The following KCNQ1OT1 variants were observed in gnomAD, a reference collection of about 807,000 sequenced individuals.
KCNQ1OT1 encodes the protein KCNQ1 antisense RNA 2 (non-protein coding).
In KCNQ1OT1 at chr11:2,624,965, C is replaced by T. The variant is rs967925758; in HGVS notation, n.75030G>A. The T allele has an allele frequency of 2.5e-6, 1 of 398,478 alleles. No homozygotes were observed. Among genetic ancestry groups the T allele is most frequent in the Non-Finnish European group, 4.4e-6 (1 of 226,048 alleles). 24.7% of individuals were successfully genotyped at this position (398,478 alleles called of 1,614,324 possible). A position where few individuals can be genotyped will look rare whatever the true frequency, so the allele number is the denominator to read the frequency against. ...AATATTACATTGTATGTATATACCA[C>T]ATTTTGCTTATCCATTCTTCCATGG... On this transcript the variant is annotated non_coding_transcript_exon_variant, in exon 1 of 1. Coordinates refer to ENST00000597346, the Ensembl canonical transcript of KCNQ1OT1. This position sits in a 1 kb window ranked among gnomAD's most constrained non-coding sequence, Gnocchi z 4.9.
At chr11:2,646,135 G>C (rs975623106) in exon 1 of KCNQ1OT1, 3 of 398,450 alleles carry the variant, frequency 7.5e-6, no homozygotes, top group African/African-American at 2.1e-5. Flanking sequence ...TTACTTCTCA[G>C]TTGAATTCCA....
exon 1 of KCNQ1OT1, chr11:2,655,880 TGCC>T: frequency 2.5e-6 from 1 of 398,740 alleles, no homozygotes; most frequent in Non-Finnish European, 4.4e-6. Flanking sequence ...AGGCCTTCTC[TGCC>T]CCTTGTTATA....
At position 2,690,502 on chromosome 11, in the gene KCNQ1OT1, C is replaced by T; in HGVS notation, n.9493G>A. 1 of 398,580 alleles carries T rather than the reference C, an allele frequency of 2.5e-6. No homozygotes were observed. The allele number at this position is 398,580 out of a possible 1,614,324, so 24.7% of individuals were successfully genotyped here. A position where few individuals can be genotyped will look rare whatever the true frequency, so the allele number is the denominator to read the frequency against. ...AGCCACTGGGCCCAGTCGGGGGGGTCTCAGCACCTATCACAAAGAAAGTGC... is the reference window on the plus strand; with the variant it reads ...AGCCACTGGGCCCAGTCGGGGGGGTTTCAGCACCTATCACAAAGAAAGTGC... On this transcript the variant is annotated non_coding_transcript_exon_variant, in exon 1 of 1. Coordinates refer to ENST00000597346, the Ensembl canonical transcript of KCNQ1OT1. The surrounding 1 kb of genome is among the most constrained non-coding windows in gnomAD (Gnocchi z 5.1).
exon 1 of KCNQ1OT1, chr11:2,646,175 T>G: frequency 2.5e-6 from 1 of 398,628 alleles, no homozygotes; most frequent in Non-Finnish European, 4.4e-6. Flanking sequence ...CTATATAAAC[T>G]GTGGTTACCT....
exon 1 of KCNQ1OT1, chr11:2,618,905 A>G: frequency 2.5e-6 from 1 of 398,310 alleles, no homozygotes; most frequent in Middle Eastern, 6.3e-4. Flanking sequence ...CTTTTTGGCT[A>G]AATTTATTCC....
chr11:2,617,107 C>A lies in KCNQ1OT1; in HGVS notation n.82888G>T. The A allele has an allele frequency of 2.5e-6, 1 of 398,166 alleles. No individual in the cohort carries two copies. The highest frequency in any genetic ancestry group is 1.3e-4 in the South Asian group (1 of 7,852). 24.7% of individuals were successfully genotyped at this position (398,166 alleles called of 1,614,324 possible). On this transcript the variant is annotated non_coding_transcript_exon_variant, in exon 1 of 1. Transcript: ENST00000597346. This position sits in a 1 kb window ranked among gnomAD's most constrained non-coding sequence, Gnocchi z 4.6. ...TGAGTGAGAAAAGCTATGATCTACT[C>A]AATTGGCAAAAATTCCAAATGCAAT...
At chr11:2,681,691 CGT>C (rs1190704993) in exon 1 of KCNQ1OT1, 1 of 397,468 alleles carries the variant, frequency 2.5e-6, no homozygotes, top group African/African-American at 2.1e-5. Flanking sequence ...ACCAGGCTGC[CGT>C]TGCTTCCCAT....
chr11:2,622,845 G>A (rs1849197866), exon 1 of KCNQ1OT1: 1 of 398,582 alleles, frequency 2.5e-6, no homozygotes, highest in African/African-American at 2.1e-5. Context: ...CACCAGAGTG[G>A]CACGTTTGTT....
At position 2,653,857 on chromosome 11, in the gene KCNQ1OT1, A is replaced by C. The variant is rs1849795527; in HGVS notation, n.46138T>G. 2 of 398,418 alleles carry C rather than the reference A, an allele frequency of 5.0e-6. No individual in the cohort carries two copies. The highest frequency in any genetic ancestry group is 1.3e-4 in the South Asian group (1 of 7,862). 24.7% of individuals were successfully genotyped at this position (398,418 alleles called of 1,614,324 possible). A position where few individuals can be genotyped will look rare whatever the true frequency, so the allele number is the denominator to read the frequency against. ...GGGGATGGCCAGAGGGTACCTAAACACTGCACACTAGGAGTGGGAAAGGAA... is the reference window on the plus strand; with the variant it reads ...GGGGATGGCCAGAGGGTACCTAAACCCTGCACACTAGGAGTGGGAAAGGAA... On this transcript the variant is annotated non_coding_transcript_exon_variant, in exon 1 of 1. Transcript: ENST00000597346. The surrounding 1 kb of genome is among the most constrained non-coding windows in gnomAD (Gnocchi z 5.3).
chr11:2,680,214 A>C, exon 1 of KCNQ1OT1: 1 of 398,148 alleles, frequency 2.5e-6, no homozygotes, highest in Non-Finnish European at 4.4e-6. Context: ...ATTAAAAAAA[A>C]AAAAAAAAAA....
chr11:2,681,568 C>T (rs1348764421), exon 1 of KCNQ1OT1: 9 of 398,406 alleles, frequency 2.3e-5, no homozygotes, highest in South Asian at 1.3e-4. Flanking sequence ...AGAGTAACTT[C>T]CCTTTTCAGG....
exon 1 of KCNQ1OT1, chr11:2,618,675 A>G (rs1285827758): frequency 2.5e-6 from 1 of 398,562 alleles, no homozygotes; most frequent in Non-Finnish European, 4.4e-6. Flanking sequence ...TTCGTTGGCT[A>G]CTTAAGGTTC....
Position 2,670,606 on chromosome 11 carries a change from A to G in KCNQ1OT1, n.29389T>C, listed in dbSNP as rs1182506438. Reference sequence around the variant, plus strand: ...GCCAGGGCTCATTCCCAGACACACAATCTCTGGGGGAGCCTGGATATGCAT... The same window carrying G: ...GCCAGGGCTCATTCCCAGACACACAGTCTCTGGGGGAGCCTGGATATGCAT... On this transcript the variant is annotated non_coding_transcript_exon_variant, in exon 1 of 1. Transcript: ENST00000597346. The surrounding 1 kb of genome is among the most constrained non-coding windows in gnomAD (Gnocchi z 4.9). 1 of 398,140 alleles carries G rather than the reference A, an allele frequency of 2.5e-6. No homozygotes were observed. The highest frequency in any genetic ancestry group is 2.1e-5 in the African/African-American group (1 of 48,466). The allele number at this position is 398,140 out of a possible 1,614,324, so 24.7% of individuals were successfully genotyped here.
chr11:2,699,890 C>T, exon 1 of KCNQ1OT1: 1 of 398,354 alleles, frequency 2.5e-6, no homozygotes, highest in East Asian at 3.6e-5. Flanking sequence ...CGGGGAGGAC[C>T]ACGCTGAGAG....
At position 2,661,128 on chromosome 11, in the gene KCNQ1OT1, A is replaced by G. The variant is rs1465364561; in HGVS notation, n.38867T>C. On this transcript the variant is annotated non_coding_transcript_exon_variant, in exon 1 of 1. Coordinates refer to ENST00000597346, the Ensembl canonical transcript of KCNQ1OT1. This position sits in a 1 kb window ranked among gnomAD's most constrained non-coding sequence, Gnocchi z 5.9. Reference sequence around the variant, plus strand: ...CCTGGCATCTGCTGCTCGGATGAGCAGAGAGGGTGGGCTAGGGATCTAGTT... The same window carrying G: ...CCTGGCATCTGCTGCTCGGATGAGCGGAGAGGGTGGGCTAGGGATCTAGTT... 3.3e-5 allele frequency: 13 copies of G among 398,640 alleles called. No individual in the cohort carries two copies. The East Asian group carries it at 4.6e-4, about 14-fold the overall frequency. The allele number at this position is 398,640 out of a possible 1,614,324, so 24.7% of individuals were successfully genotyped here. A position where few individuals can be genotyped will look rare whatever the true frequency, so the allele number is the denominator to read the frequency against.
Position 2,677,337 on chromosome 11 carries a change from A to C in KCNQ1OT1, n.22658T>G. ...AAAATGATGTCAAATGATTTCTCAA[A>C]TAGAGACTGGGCAGAGTAGACCAGT... is the stretch of plus-strand genomic sequence containing the variant. On this transcript the variant is annotated non_coding_transcript_exon_variant, in exon 1 of 1. Coordinates refer to ENST00000597346, the Ensembl canonical transcript of KCNQ1OT1. This position sits in a 1 kb window ranked among gnomAD's most constrained non-coding sequence, Gnocchi z 4.5. 1 of 398,640 alleles carries C rather than the reference A, an allele frequency of 2.5e-6. No individual in the cohort carries two copies. Among genetic ancestry groups the C allele is most frequent in the Non-Finnish European group, 4.4e-6 (1 of 226,064 alleles). 24.7% of individuals were successfully genotyped at this position (398,640 alleles called of 1,614,324 possible).
At position 2,611,451 on chromosome 11, in the gene KCNQ1OT1, A is replaced by G; in HGVS notation, n.88544T>C. The G allele has an allele frequency of 5.0e-6, 2 of 397,876 alleles. No individual in the cohort carries two copies. Among genetic ancestry groups the G allele is most frequent in the Non-Finnish European group, 4.4e-6 (1 of 226,086 alleles). 24.6% of individuals were successfully genotyped at this position (397,876 alleles called of 1,614,324 possible). On this transcript the variant is annotated non_coding_transcript_exon_variant, in exon 1 of 1. Transcript: ENST00000597346. This position sits in a 1 kb window ranked among gnomAD's most constrained non-coding sequence, Gnocchi z 5.3. ...GGTCTTGAACTCCTGACCTCGAGTGATCTGTCTGCCTCAGCCTCCCAAAAT... is the reference window on the plus strand; with the variant it reads ...GGTCTTGAACTCCTGACCTCGAGTGGTCTGTCTGCCTCAGCCTCCCAAAAT...
exon 1 of KCNQ1OT1, chr11:2,632,208 T>C (rs933653955): frequency 8.2e-6 from 3 of 367,988 alleles, no homozygotes; most frequent in African/African-American, 7.2e-5. Flanking sequence ...AAAAAAGAAA[T>C]GCAACTGAAT....
exon 1 of KCNQ1OT1, chr11:2,635,184 A>G (rs1307023142): frequency 1.3e-5 from 2 of 152,088 alleles, no homozygotes; most frequent in Admixed American, 1.3e-4. Flanking sequence ...TCTTTAGTTT[A>G]ATTAGATCCC....
Sources: allele counts gnomAD v4.1 joint callset, GRCh38; gene constraint gnomAD v4.1.1; non-coding constraint Gnocchi (gnomAD v3.1); transcripts MANE v1.5; gene names NCBI Gene and HGNC (gene_info 2026-07-23, HGNC 2026-07-21).